Variants in LRMDA observed in about 807,000 individuals in gnomAD.
LRMDA encodes the protein leucine-rich melanocyte differentiation-associated protein.
Under a neutral mutation model 29.8 loss-of-function variants are expected in LRMDA, and 18 were observed. That is an observed-to-expected ratio of 0.60 (90% confidence interval 0.42 to 0.90). The LOEUF is 0.90. LRMDA is among the 40% of genes least tolerant of loss of function. LRMDA has a pLI of 0.00. For missense variants in LRMDA, 273 were observed against 273.9 expected (o/e 1.00, Z 0.02); for synonymous variants, 125 against 109.4 (o/e 1.14, Z -0.89).
intron 2 of LRMDA, among the ~76,000 whole-genome samples, chr10:75,941,660 G>A (rs1292451063): frequency 6.6e-6 from 1 of 152,074 alleles, no homozygotes; most frequent in Non-Finnish European, 1.5e-5. Context: ...TCCTAAGAGC[G>A]AGCCACCTGG....
At position 76,449,928 on chromosome 10, in the gene LRMDA, C is replaced by T. The variant is rs528323421; in HGVS notation, c.602-107281C>T. Among the ~76,000 whole-genome samples, 55 of 151,904 alleles carry T rather than the reference C, an allele frequency of 3.6e-4. 1 individual carries two copies. Among genetic ancestry groups the T allele is most frequent in the African/African-American group, 1.3e-3 (54 of 41,506 alleles). On this transcript the variant is annotated intron_variant, in intron 6 of 6. Coordinates refer to ENST00000611255, the MANE Select transcript of LRMDA (RefSeq NM_001305581.2). ...GATTTTTAAAAATATATGACTTTTCCAGACTTTGAATTTAATTTTGTGCCC... is the reference window on the plus strand; with the variant it reads ...GATTTTTAAAAATATATGACTTTTCTAGACTTTGAATTTAATTTTGTGCCC...
chr10:75,537,155 C>T (rs1839959571), intron 2 of LRMDA, among the ~76,000 whole-genome samples: 3 of 152,228 alleles, frequency 2.0e-5, no homozygotes, highest in South Asian at 4.1e-4. Flanking sequence ...TTTCTTTTTA[C>T]TTTGTGTTCA....
At chr10:76,042,639 C>T (rs1162047362) in intron 3 of LRMDA, among the ~76,000 whole-genome samples, 4 of 152,222 alleles carry the variant, frequency 2.6e-5, no homozygotes, top group African/African-American at 9.6e-5. Context: ...TGTCAAAATA[C>T]CTAGAAAAGT....
intron 6 of LRMDA, among the ~76,000 whole-genome samples, chr10:76,328,032 A>C (rs562434720): frequency 1.3e-5 from 2 of 152,340 alleles, no homozygotes; most frequent in East Asian, 3.9e-4. Context: ...TCTCAGTAAG[A>C]TACAGATTGT....
chr10:76,036,040 T>C lies in LRMDA; in HGVS notation c.164T>C (p.Leu55Pro), dbSNP rs748527801. ...SLEGLSAFRS[L>P]EELILDNNQL... is the part of the protein sequence containing the mutation. ...GAAGGACTGAGCGCATTCAGGAGCC[T>C]GGAGGAACTCATCTTGGACAACAAT... Residue 55 changes from leucine (L) to proline (P), a missense_variant, in exon 3 of 7, where the codon CTG becomes CCG. Physicochemically the swap from Leu to Pro is moderately conservative, Grantham distance 98. Coordinates refer to ENST00000611255, the MANE Select transcript of LRMDA (RefSeq NM_001305581.2). The C allele has an allele frequency of 1.9e-6, 3 of 1,614,140 alleles. No homozygotes were observed. The highest frequency in any genetic ancestry group is 2.5e-6 in the Non-Finnish European group (3 of 1,180,028).
chr10:75,925,142 G>A (rs1291477219), intron 2 of LRMDA, among the ~76,000 whole-genome samples: 3 of 152,228 alleles, frequency 2.0e-5, no homozygotes, highest in African/African-American at 7.2e-5. Context: ...AAAGTGCTGT[G>A]AGGATGTGAC....
At chr10:76,556,338 G>T (rs1564575773) in intron 6 of LRMDA, 1 of 150,616 alleles carries the variant, frequency 6.6e-6, no homozygotes, top group Non-Finnish European at 1.5e-5. Flanking sequence ...TCCATGTGGT[G>T]TTTTTTTTTG....
At chr10:76,127,182 C>G (rs1849898683) in intron 5 of LRMDA, among the ~76,000 whole-genome samples, 1 of 152,188 alleles carries the variant, frequency 6.6e-6, no homozygotes, top group Non-Finnish European at 1.5e-5. Flanking sequence ...TTTTTTAATT[C>G]ATAGCAGAGT....
intron 6 of LRMDA, among the ~76,000 whole-genome samples, chr10:76,366,321 T>C (rs968732951): frequency 1.3e-5 from 2 of 152,184 alleles, no homozygotes; most frequent in Non-Finnish European, 2.9e-5. Context: ...AATTTGTAGA[T>C]TTCTTTTGGC....
Position 75,934,844 on chromosome 10 carries a change from T to C in LRMDA, c.132-101164T>C, listed in dbSNP as rs10509364. Among the ~76,000 whole-genome samples, 996 of 152,338 alleles carry C rather than the reference T, an allele frequency of 6.5e-3. 52 individuals carry two copies. The East Asian group carries it at 0.14, about 22-fold the overall frequency. On this transcript the variant is annotated intron_variant, in intron 2 of 6. Coordinates refer to ENST00000611255, the MANE Select transcript of LRMDA (RefSeq NM_001305581.2). ...CTCCCTTTTTCTTTTAGAACAGTTTTCCTCTTAAATAGTTCTGTACAACAG... is the reference window on the plus strand; with the variant it reads ...CTCCCTTTTTCTTTTAGAACAGTTTCCCTCTTAAATAGTTCTGTACAACAG...
At chr10:75,592,322 TTTTG>T (rs781015350) in intron 2 of LRMDA, among the ~76,000 whole-genome samples, 1 of 152,112 alleles carries the variant, frequency 6.6e-6, no homozygotes, top group Non-Finnish European at 1.5e-5. Flanking sequence ...GCGTGGCGCT[TTTTG>T]TTTGTCTGTT....
chr10:76,382,435 C>T (rs1024268968), intron 6 of LRMDA, among the ~76,000 whole-genome samples: 24 of 152,162 alleles, frequency 1.6e-4, no homozygotes, highest in African/African-American at 5.3e-4. Flanking sequence ...AAGCAGAGCA[C>T]AGACATGCTG....
At chr10:76,203,373 C>A (rs1366534064) in intron 5 of LRMDA, among the ~76,000 whole-genome samples, 1 of 152,204 alleles carries the variant, frequency 6.6e-6, no homozygotes, top group Non-Finnish European at 1.5e-5. Flanking sequence ...ACCTCCTGGG[C>A]TCAAGTGATC....
chr10:75,718,908 A>G (rs1842533162), intron 2 of LRMDA, among the ~76,000 whole-genome samples: 1 of 152,222 alleles, frequency 6.6e-6, no homozygotes, highest in African/African-American at 2.4e-5. Context: ...GAGGACAAAT[A>G]TCTCAGTCAA....
At chr10:76,353,131 T>C (rs1841197968) in intron 6 of LRMDA, among the ~76,000 whole-genome samples, 1 of 152,060 alleles carries the variant, frequency 6.6e-6, no homozygotes, top group Non-Finnish European at 1.5e-5. Flanking sequence ...CAGTGTAGAC[T>C]GAAGAGGAGT....
chr10:75,557,317 TAA>T (rs35472435), intron 2 of LRMDA, among the ~76,000 whole-genome samples: 2 of 142,374 alleles, frequency 1.4e-5, no homozygotes, highest in African/African-American at 2.6e-5. Context: ...CTGTCTCAAT[TAA>T]AAAAAAAAAA....
chr10:75,587,325 T>TGA (rs1840668876), intron 2 of LRMDA, among the ~76,000 whole-genome samples: 1 of 152,134 alleles, frequency 6.6e-6, no homozygotes, highest in Admixed American at 6.6e-5. Context: ...AGGGTTGCGT[T>TGA]TTTTTGTTTG....
At chr10:76,465,178 C>G (rs1046328393) in intron 6 of LRMDA, among the ~76,000 whole-genome samples, 4 of 152,186 alleles carry the variant, frequency 2.6e-5, no homozygotes, top group African/African-American at 7.2e-5. Context: ...ATTTCAAGTG[C>G]TCAAGTGGTC....
chr10:76,388,238 T>C (rs959577704), intron 6 of LRMDA, among the ~76,000 whole-genome samples: 2 of 152,208 alleles, frequency 1.3e-5, no homozygotes, highest in African/African-American at 4.8e-5. Flanking sequence ...TAGTTTCTGT[T>C]GCTGTGTAAC....
Sources: allele counts gnomAD v4.1 joint callset (sites outside exome capture counted in the v4.1 genomes callset), GRCh38; gene constraint gnomAD v4.1.1; transcripts MANE v1.5; gene names NCBI Gene and HGNC (gene_info 2026-07-23, HGNC 2026-07-21).